OR6C76: variants seen among roughly 807,000 people sequenced by gnomAD.
The protein encoded by OR6C76 is olfactory receptor 6C76.
For missense variants in OR6C76, 352 were observed against 357.3 expected (o/e 0.99, Z 0.12); for synonymous variants, 140 against 137.8 (o/e 1.02, Z -0.11).
In OR6C76 at chr12:55,426,294, G is replaced by T; in HGVS notation, c.41G>T (p.Gly14Val). The change falls in exon 1 of 1, where the codon GGT (glycine) becomes GTT (valine). Residue 14 changes from glycine (G) to valine (V), a missense_variant. Transcript: ENST00000328314. ...TCAGTGACAGATTTCATCCTTCTGGGTCTGACGGATAATCCGCAACTGCAG... is the reference window on the plus strand; with the variant it reads ...TCAGTGACAGATTTCATCCTTCTGGTTCTGACGGATAATCCGCAACTGCAG... ...RTSVTDFILL[G>V]LTDNPQLQVV... 1 of 1,611,828 alleles carries T rather than the reference G, an allele frequency of 6.2e-7. No homozygotes were observed. The highest frequency in any genetic ancestry group is 1.1e-5 in the South Asian group (1 of 90,532).
At position 55,426,908 on chromosome 12, in the gene OR6C76, A is replaced by C; in HGVS notation, c.655A>C (p.Ile219Leu). Residue 219 changes from isoleucine to leucine, a missense_variant, in exon 1 of 1, where the codon ATC (isoleucine) becomes CTC (leucine). Coordinates refer to ENST00000328314, the MANE Select transcript of OR6C76 (RefSeq NM_001005183.1). ...AGTAATTCTCTCCTATACTTACATC[A>C]TCAGAACTATTCTGAGAATCCCCTC... Reference protein sequence around the residue: ...ILVILSYTYIIRTILRIPSAQ... With the variant: ...ILVILSYTYILRTILRIPSAQ... The C allele has an allele frequency of 6.2e-7, 1 of 1,613,504 alleles. No homozygotes were observed. The highest frequency in any genetic ancestry group is 8.5e-7 in the Non-Finnish European group (1 of 1,179,718).
chr12:55,426,578 T>C lies in OR6C76; in HGVS notation c.325T>C (p.Phe109Leu). The C allele has an allele frequency of 6.2e-7, 1 of 1,613,646 alleles. No homozygotes were observed. The highest frequency in any genetic ancestry group is 1.3e-5 in the African/African-American group (1 of 74,964). ...CTTTATCTTCCTTGGCTCAACGGAG[T>C]TTTTCCTCCTGGCCTCTATGTCCTA... ...FFFIFLGSTE[F>L]FLLASMSYDC... The change falls in exon 1 of 1, where the codon TTT (phenylalanine) becomes CTT (leucine). Residue 109 changes from phenylalanine (F) to leucine (L), a missense_variant. Transcript: ENST00000328314.
chr12:55,426,347 AC>A lies in OR6C76; in HGVS notation c.95del (p.Thr32SerfsTer4), dbSNP rs761847478. On this transcript the variant is annotated frameshift_variant, in exon 1 of 1. Transcript: ENST00000328314. LOFTEE classifies it low-confidence loss of function (END_TRUNC). ...QVVIFSFLFL[T>X]YVLSVTGNLT... ...TGTGATTTTCTCGTTCCTATTTCTTACGTATGTACTGAGTGTTACTGGAAAT... is the reference window on the plus strand; with the variant it reads ...TGTGATTTTCTCGTTCCTATTTCTTAGTATGTACTGAGTGTTACTGGAAAT... 1.2e-5 allele frequency: 20 copies of A among 1,613,152 alleles called. No individual in the cohort carries two copies. The Admixed American group carries it at 3.3e-4, about 27-fold the overall frequency.
In OR6C76 at chr12:55,426,953, G is replaced by T. The variant is rs569523319; in HGVS notation, c.700G>T (p.Ala234Ser). 2.5e-6 allele frequency: 4 copies of T among 1,613,432 alleles called. No individual in the cohort carries two copies. The Admixed American group carries it at 6.7e-5, about 27-fold the overall frequency. The change falls in exon 1 of 1, where the codon GCC (alanine) becomes TCC (serine). Residue 234 changes from alanine to serine, a missense_variant. Ala to Ser is a moderately conservative substitution (Grantham distance 99). Transcript: ENST00000328314. ...CCCCTCAGCACAGCAAAGAAAAAAA[G>T]CCTTTTCAACCTGCTCCTCACATGT... ...RIPSAQQRKK[A>S]FSTCSSHVIV...
Position 55,427,107 on chromosome 12 carries a change from T to G in OR6C76, c.854T>G (p.Phe285Cys), listed in dbSNP as rs938857541. 1 of 1,611,934 alleles carries G rather than the reference T, an allele frequency of 6.2e-7. No homozygotes were observed. The highest frequency in any genetic ancestry group is 8.5e-7 in the Non-Finnish European group (1 of 1,178,892). ...TCTGTCGCTCCTATGCTGAATCCATTTATTTACACTCTAAGAAACCAGCAG... is the reference window on the plus strand; with the variant it reads ...TCTGTCGCTCCTATGCTGAATCCATGTATTTACACTCTAAGAAACCAGCAG... ...NTSVAPMLNP[F>C]IYTLRNQQVK... Residue 285 changes from phenylalanine (F) to cysteine (C), a missense_variant, in exon 1 of 1, where the codon TTT becomes TGT. By Grantham distance (205) the Phe-to-Cys change is radical. Coordinates refer to ENST00000328314, the MANE Select transcript of OR6C76 (RefSeq NM_001005183.1).
chr12:55,426,960 C>T lies in OR6C76; in HGVS notation c.707C>T (p.Ser236Leu), dbSNP rs763766119. 52 of 1,613,406 alleles carry T rather than the reference C, an allele frequency of 3.2e-5. No individual in the cohort carries two copies. Among genetic ancestry groups the T allele is most frequent in the Non-Finnish European group, 4.4e-5 (52 of 1,179,708 alleles). Residue 236 changes from serine (S) to leucine (L), a missense_variant, in exon 1 of 1, where the codon TCA becomes TTA. Coordinates refer to ENST00000328314, the MANE Select transcript of OR6C76 (RefSeq NM_001005183.1). ...PSAQQRKKAF[S>L]TCSSHVIVVS... ...GCACAGCAAAGAAAAAAAGCCTTTT[C>T]AACCTGCTCCTCACATGTGATTGTT...
rs747362567 is a variant in OR6C76 at position 55,426,536 on chromosome 12, G to A, written c.283G>A (p.Ala95Thr). The A allele has an allele frequency of 1.2e-6, 2 of 1,613,810 alleles. No homozygotes were observed. Among genetic ancestry groups the A allele is most frequent in the African/African-American group, 2.7e-5 (2 of 75,030 alleles). ...GDKSISYNAC[A>T]AQLFFFIFLG... is the part of the protein sequence containing the mutation. ...CAAATCCATATCTTATAATGCTTGT[G>A]CAGCTCAGCTATTTTTCTTTATCTT... The change falls in exon 1 of 1, where the codon GCA (alanine) becomes ACA (threonine). Residue 95 changes from alanine to threonine, a missense_variant. Transcript: ENST00000328314.
rs1870976860 is a variant in OR6C76 at position 55,426,583 on chromosome 12, C to T, written c.330C>T (p.Phe110=). The change falls in exon 1 of 1, where the codon TTC becomes TTT. Residue 110 remains phenylalanine (F), a synonymous_variant. Coordinates refer to ENST00000328314, the MANE Select transcript of OR6C76 (RefSeq NM_001005183.1). ...FFIFLGSTEF[F]LLASMSYDCY... is the part of the protein sequence containing the mutation. ...TCTTCCTTGGCTCAACGGAGTTTTTCCTCCTGGCCTCTATGTCCTATGATT... is the reference window on the plus strand; with the variant it reads ...TCTTCCTTGGCTCAACGGAGTTTTTTCTCCTGGCCTCTATGTCCTATGATT... The T allele has an allele frequency of 6.2e-7, 1 of 1,613,830 alleles. No homozygotes were observed. The highest frequency in any genetic ancestry group is 2.2e-5 in the East Asian group (1 of 44,874).
rs748849438 is a variant in OR6C76 at position 55,427,082 on chromosome 12, T to C, written c.829T>C (p.Ser277Pro). The C allele has an allele frequency of 1.2e-6, 2 of 1,612,874 alleles. No homozygotes were observed. The highest frequency in any genetic ancestry group is 2.2e-5 in the South Asian group (2 of 91,028). Reference protein sequence around the residue: ...LTKGVAILNTSVAPMLNPFIY... With the variant: ...LTKGVAILNTPVAPMLNPFIY... The stretch of plus-strand genomic sequence containing the variant: ...AAAAGGAGTAGCTATACTCAATACC[T>C]CTGTCGCTCCTATGCTGAATCCATT... Residue 277 changes from serine (S) to proline (P), a missense_variant, in exon 1 of 1, where the codon TCT becomes CCT. By Grantham distance (74) the Ser-to-Pro change is moderately conservative. Transcript: ENST00000328314.
rs1397929366 is a variant in OR6C76, at chr12:55,427,012, C to T, written c.759C>T (p.Ile253=). ...IVVSISYGSC[I]FMYVKTSAKE... ...TCTCTATCTCTTATGGAAGCTGCAT[C>T]TTCATGTATGTGAAAACATCAGCAA... The change falls in exon 1 of 1, where the codon ATC becomes ATT. Residue 253 remains isoleucine, a synonymous_variant. Coordinates refer to ENST00000328314, the MANE Select transcript of OR6C76 (RefSeq NM_001005183.1). 1.9e-6 allele frequency: 3 copies of T among 1,613,420 alleles called. No individual in the cohort carries two copies. In the African/African-American group the frequency reaches 4.0e-5, roughly 22 times the overall value.
rs562370919 is a variant in OR6C76 at position 55,426,310 on chromosome 12, G to A, written c.57G>A (p.Pro19=). The change falls in exon 1 of 1, where the codon CCG becomes CCA. Residue 19 remains proline, a synonymous_variant. Transcript: ENST00000328314. ...DFILLGLTDN[P]QLQVVIFSFL... is the part of the protein sequence containing the mutation. ...TCCTTCTGGGTCTGACGGATAATCCGCAACTGCAGGTTGTGATTTTCTCGT... is the reference window on the plus strand; with the variant it reads ...TCCTTCTGGGTCTGACGGATAATCCACAACTGCAGGTTGTGATTTTCTCGT... 6.8e-6 allele frequency: 11 copies of A among 1,612,508 alleles called. No individual in the cohort carries two copies. Among genetic ancestry groups the A allele is most frequent in the African/African-American group, 6.7e-5 (5 of 74,956 alleles).
chr12:55,426,897 A>T lies in OR6C76; in HGVS notation c.644A>T (p.Tyr215Phe). The T allele has an allele frequency of 6.2e-7, 1 of 1,613,480 alleles. No homozygotes were observed. Among genetic ancestry groups the T allele is most frequent in the Non-Finnish European group, 8.5e-7 (1 of 1,179,736 alleles). ...ISTLILVILS[Y>F]TYIIRTILRI... is the part of the protein sequence containing the mutation. ...ACTTTGATATTAGTAATTCTCTCCT[A>T]TACTTACATCATCAGAACTATTCTG... The change falls in exon 1 of 1, where the codon TAT becomes TTT. Residue 215 changes from tyrosine (Y) to phenylalanine (F), a missense_variant. Coordinates refer to ENST00000328314, the MANE Select transcript of OR6C76 (RefSeq NM_001005183.1).
chr12:55,426,968 T>C lies in OR6C76; in HGVS notation c.715T>C (p.Ser239Pro). Residue 239 changes from serine to proline, a missense_variant, in exon 1 of 1, where the codon TCC becomes CCC. By Grantham distance (74) the Ser-to-Pro change is moderately conservative (BLOSUM62 -1). Coordinates refer to ENST00000328314, the MANE Select transcript of OR6C76 (RefSeq NM_001005183.1). ...QQRKKAFSTC[S>P]SHVIVVSISY... ...AAGAAAAAAAGCCTTTTCAACCTGC[T>C]CCTCACATGTGATTGTTGTCTCTAT... 1.2e-6 allele frequency: 2 copies of C among 1,613,490 alleles called. No homozygotes were observed. The highest frequency in any genetic ancestry group is 1.7e-6 in the Non-Finnish European group (2 of 1,179,686).
Position 55,426,819 on chromosome 12 carries a change from C to G in OR6C76, c.566C>G (p.Thr189Arg). 1 of 1,613,574 alleles carries G rather than the reference C, an allele frequency of 6.2e-7. No individual in the cohort carries two copies. Among genetic ancestry groups the G allele is most frequent in the Non-Finnish European group, 8.5e-7 (1 of 1,179,790 alleles). ...APLLQISCTD[T>R]STLELMSFIL... is the part of the protein sequence containing the mutation. The stretch of plus-strand genomic sequence containing the variant: ...TTGCTGCAAATCTCTTGCACAGACA[C>G]AAGTACTCTAGAGCTCATGAGCTTT... Residue 189 changes from threonine to arginine, a missense_variant, in exon 1 of 1, where the codon ACA becomes AGA. By Grantham distance (71) the Thr-to-Arg change is moderately conservative (BLOSUM62 -1). Coordinates refer to ENST00000328314, the MANE Select transcript of OR6C76 (RefSeq NM_001005183.1).
rs1003146178 is a variant in OR6C76, at chr12:55,426,435, T to C, written c.182T>C (p.Leu61Pro). ...SHLKTPMYFFLRNFSLEISFT... is the reference protein window; with the variant it reads ...SHLKTPMYFFPRNFSLEISFT... ...CTGAAGACCCCCATGTATTTCTTCC[T>C]CAGGAATTTCTCCTTGGAAATTTCA... is the stretch of plus-strand genomic sequence containing the variant. The change falls in exon 1 of 1, where the codon CTC (leucine) becomes CCC (proline). Residue 61 changes from leucine to proline, a missense_variant. Leu to Pro is a moderately conservative substitution (Grantham distance 98). Transcript: ENST00000328314. 6 of 1,613,808 alleles carry C rather than the reference T, an allele frequency of 3.7e-6. No homozygotes were observed.
Position 55,427,019 on chromosome 12 carries a change from T to C in OR6C76, c.766T>C (p.Tyr256His). The change falls in exon 1 of 1, where the codon TAT becomes CAT. Residue 256 changes from tyrosine to histidine, a missense_variant. Physicochemically the swap from Tyr to His is moderately conservative, Grantham distance 83. Transcript: ENST00000328314. ...CTCTTATGGAAGCTGCATCTTCATGTATGTGAAAACATCAGCAAAGGAAGG... is the reference window on the plus strand; with the variant it reads ...CTCTTATGGAAGCTGCATCTTCATGCATGTGAAAACATCAGCAAAGGAAGG... ...SISYGSCIFMYVKTSAKEGVA... is the reference protein window; with the variant it reads ...SISYGSCIFMHVKTSAKEGVA... 6.2e-7 allele frequency: 1 copy of C among 1,613,638 alleles called. No individual in the cohort carries two copies.
Position 55,426,748 on chromosome 12 carries a change from C to T in OR6C76, c.495C>T (p.Phe165=). The change falls in exon 1 of 1, where the codon TTC becomes TTT. Residue 165 remains phenylalanine (F), a synonymous_variant. Coordinates refer to ENST00000328314, the MANE Select transcript of OR6C76 (RefSeq NM_001005183.1). ...PPLAMGLQLD[F]CDSNVIDHFT... Reference sequence around the variant, plus strand: ...TGGCCATGGGCTTACAGCTGGATTTCTGTGACTCCAATGTCATTGACCACT... The same window carrying T: ...TGGCCATGGGCTTACAGCTGGATTTTTGTGACTCCAATGTCATTGACCACT... 3.7e-6 allele frequency: 6 copies of T among 1,613,362 alleles called. No individual in the cohort carries two copies. Among genetic ancestry groups the T allele is most frequent in the Non-Finnish European group, 5.1e-6 (6 of 1,179,816 alleles).
rs143111251 is a variant in OR6C76 at position 55,426,908 on chromosome 12, A to G, written c.655A>G (p.Ile219Val). The change falls in exon 1 of 1, where the codon ATC becomes GTC. Residue 219 changes from isoleucine (I) to valine (V), a missense_variant. Physicochemically the swap from Ile to Val is conservative, Grantham distance 29. Transcript: ENST00000328314. Reference sequence around the variant, plus strand: ...AGTAATTCTCTCCTATACTTACATCATCAGAACTATTCTGAGAATCCCCTC... The same window carrying G: ...AGTAATTCTCTCCTATACTTACATCGTCAGAACTATTCTGAGAATCCCCTC... Reference protein sequence around the residue: ...ILVILSYTYIIRTILRIPSAQ... With the variant: ...ILVILSYTYIVRTILRIPSAQ... The G allele has an allele frequency of 4.8e-5, 77 of 1,613,386 alleles. No homozygotes were observed. The highest frequency in any genetic ancestry group is 6.2e-5 in the Non-Finnish European group (73 of 1,179,726).
rs968391448 is a variant in OR6C76 at position 55,426,877 on chromosome 12, G to C, written c.624G>C (p.Leu208Phe). 22 of 1,613,056 alleles carry C rather than the reference G, an allele frequency of 1.4e-5. No homozygotes were observed. In the African/African-American group the frequency reaches 1.7e-4, roughly 13 times the overall value. Residue 208 changes from leucine (L) to phenylalanine (F), a missense_variant, in exon 1 of 1, where the codon TTG becomes TTC. Transcript: ENST00000328314. The part of the protein sequence containing the change: ...ILALFTLIST[L>F]ILVILSYTYI... ...CTCTGTTTACTCTTATATCCACTTTGATATTAGTAATTCTCTCCTATACTT... is the reference window on the plus strand; with the variant it reads ...CTCTGTTTACTCTTATATCCACTTTCATATTAGTAATTCTCTCCTATACTT...
Sources: gnomAD v4.1 joint callset for allele counts on GRCh38, gnomAD v4.1.1 for gene constraint, MANE v1.5 for transcripts, NCBI Gene and HGNC (gene_info 2026-07-23, HGNC 2026-07-21) for gene names.